Variants in BMPR2 observed in about 807,000 individuals in gnomAD.
The protein encoded by BMPR2 is bone morphogenetic protein receptor type-2.
BMPR2 carries 29 observed loss-of-function variants against 100.8 expected under a neutral mutation model. The observed-to-expected ratio is 0.29, with a 90% CI of 0.21 to 0.39. The LOEUF is 0.39. Among genes scored for constraint, BMPR2 ranks in the 10% least tolerant of loss-of-function variants. The pLI is 1.00. For missense variants in BMPR2, 1,011 were observed against 1,274.5 expected (o/e 0.79, Z 3.15); for synonymous variants, 382 against 442.3 (o/e 0.86, Z 1.71).
intron 3 of BMPR2, among the ~76,000 whole-genome samples, chr2:202,506,929 C>T (rs761832880): frequency 4.6e-5 from 7 of 151,110 alleles, no homozygotes; most frequent in Non-Finnish European, 1.0e-4. Context: ...AAAAATTAGC[C>T]GGGCATAGTG....
At chr2:202,406,988 C>T (rs1392348011) in intron 1 of BMPR2, among the ~76,000 whole-genome samples, 1 of 151,776 alleles carries the variant, frequency 6.6e-6, no homozygotes, top group Non-Finnish European at 1.5e-5. Flanking sequence ...TCGATTGTCA[C>T]CCAGGCTGGA....
intron 3 of BMPR2, among the ~76,000 whole-genome samples, chr2:202,477,388 A>AT (rs1385306529): frequency 6.6e-6 from 1 of 151,260 alleles, no homozygotes; most frequent in East Asian, 1.9e-4. Context: ...TTTTTTTTTA[A>AT]TTTGAAGGAT....
At position 202,566,157 on chromosome 2, in the gene BMPR2, G is replaced by A. The variant is rs1488598829; in HGVS notation, c.*6211G>A. 1.3e-5 allele frequency: 2 copies of A among 152,258 alleles called. No individual in the cohort carries two copies. Among genetic ancestry groups the A allele is most frequent in the Admixed American group, 6.6e-5 (1 of 15,262 alleles). The allele number at this position is 152,258 out of a possible 1,614,324, so 9.4% of individuals were successfully genotyped here. A position where few individuals can be genotyped will look rare whatever the true frequency, so the allele number is the denominator to read the frequency against. ...TGTATTTGAAACTACAACTTGATTT[G>A]GTTTTCAGTTTTAAAAGGCAACATG... On this transcript the variant is annotated 3_prime_UTR_variant, in exon 13 of 13. Coordinates refer to ENST00000374580, the MANE Select transcript of BMPR2 (RefSeq NM_001204.7).
intron 1 of BMPR2, among the ~76,000 whole-genome samples, chr2:202,427,933 C>G (rs1285363667): frequency 1.3e-5 from 2 of 152,148 alleles, no homozygotes; most frequent in East Asian, 3.9e-4. Context: ...GAGCTGAGAT[C>G]ATGCCAGTGT....
intron 3 of BMPR2, among the ~76,000 whole-genome samples, chr2:202,502,049 G>A (rs1687405990): frequency 6.6e-6 from 1 of 152,194 alleles, no homozygotes; most frequent in Non-Finnish European, 1.5e-5. Flanking sequence ...AGGGACCAGT[G>A]CCCAGTTAGT....
chr2:202,501,187 C>G (rs1687383023), intron 3 of BMPR2, among the ~76,000 whole-genome samples: 1 of 152,182 alleles, frequency 6.6e-6, no homozygotes, highest in Non-Finnish European at 1.5e-5. Flanking sequence ...TAATCTTAGC[C>G]AAAGGGACCA....
chr2:202,433,781 G>A (rs1340248847), intron 1 of BMPR2, among the ~76,000 whole-genome samples: 1 of 150,370 alleles, frequency 6.7e-6, no homozygotes, highest in African/African-American at 2.5e-5. Flanking sequence ...GGTGGCGTGC[G>A]CCTGTAGTCC....
chr2:202,416,474 G>A (rs1179693231), intron 1 of BMPR2, among the ~76,000 whole-genome samples: 5 of 148,320 alleles, frequency 3.4e-5, no homozygotes, highest in Admixed American at 6.8e-5. Context: ...TCGCTAGGCT[G>A]GAGTGCAGTG....
intron 6 of BMPR2, 137 bp downstream of exon 6, chr2:202,519,189 C>T: frequency 1.2e-6 from 1 of 852,722 alleles, no homozygotes; most frequent in Non-Finnish European, 1.9e-6. Flanking sequence ...TGGCAAAACT[C>T]CCGTCTCTAC....
intron 9 of BMPR2, among the ~76,000 whole-genome samples, chr2:202,535,705 T>C (rs2106024416): frequency 6.6e-6 from 1 of 152,148 alleles, no homozygotes; most frequent in African/African-American, 2.4e-5. Flanking sequence ...GAGGCTGCAA[T>C]CTCAGCACTT....
At chr2:202,473,154 A>C (rs1278596235) in intron 3 of BMPR2, among the ~76,000 whole-genome samples, 2 of 152,328 alleles carry the variant, frequency 1.3e-5, no homozygotes, top group East Asian at 3.9e-4. Flanking sequence ...TCTCCTTTAA[A>C]ATTTTTCATT....
intron 5 of BMPR2, among the ~76,000 whole-genome samples, chr2:202,515,203 A>T (rs1461486770): frequency 2.6e-5 from 4 of 152,178 alleles, no homozygotes; most frequent in Admixed American, 2.6e-4. Context: ...AGGAATGTAT[A>T]ATATAATTGC....
intron 1 of BMPR2, among the ~76,000 whole-genome samples, chr2:202,393,333 T>G (rs940319973): frequency 4.6e-5 from 7 of 152,208 alleles, no homozygotes; most frequent in African/African-American, 1.7e-4. Context: ...ATACTGTCTT[T>G]CTATCTCCAC....
chr2:202,458,298 A>C (rs1314927973), intron 1 of BMPR2, among the ~76,000 whole-genome samples: 7 of 149,446 alleles, frequency 4.7e-5, no homozygotes, highest in East Asian at 1.9e-4. Context: ...AAAAAAAAAA[A>C]AAAAAAAAAA....
intron 1 of BMPR2, among the ~76,000 whole-genome samples, chr2:202,393,741 A>G (rs747423331): frequency 2.4e-4 from 37 of 152,178 alleles, no homozygotes; most frequent in Non-Finnish European, 4.6e-4. Context: ...CTAAGAGAAT[A>G]TACTCTGTGG....
chr2:202,558,533 G>T (rs992471067), intron 12 of BMPR2, among the ~76,000 whole-genome samples: 1 of 152,202 alleles, frequency 6.6e-6, no homozygotes, highest in Non-Finnish European at 1.5e-5. Flanking sequence ...TTAGCCCCTT[G>T]CTTGAGTGGC....
chr2:202,520,111 C>G lies in BMPR2; in HGVS notation c.877C>G (p.Leu293Val). 6.2e-7 allele frequency: 1 copy of G among 1,608,146 alleles called. No homozygotes were observed. The highest frequency in any genetic ancestry group is 8.5e-7 in the Non-Finnish European group (1 of 1,178,568). Residue 293 changes from leucine (L) to valine (V), a missense_variant, in exon 7 of 13, where the codon CTC becomes GTC. Leu to Val is a conservative substitution (Grantham distance 32). Transcript: ENST00000374580. ...PNGSLCKYLS[L>V]HTSDWVSSCR... ...GGGATCTTTATGCAAGTATTTAAGT[C>G]TCCACACAAGTGACTGGGTAAGCTC...
At chr2:202,534,657 C>T (rs1280264746) in intron 9 of BMPR2, among the ~76,000 whole-genome samples, 4 of 152,210 alleles carry the variant, frequency 2.6e-5, no homozygotes, top group African/African-American at 7.2e-5. Flanking sequence ...CCCATGTCTA[C>T]TTCTTTCTAC....
At chr2:202,490,511 A>G (rs1260328615) in intron 3 of BMPR2, among the ~76,000 whole-genome samples, 1 of 152,226 alleles carries the variant, frequency 6.6e-6, no homozygotes, top group Non-Finnish European at 1.5e-5. Context: ...GACATCCAAA[A>G]TGTACCCACA....
Sources: gnomAD v4.1 joint callset for allele counts (sites outside exome capture counted in the v4.1 genomes callset) on GRCh38, gnomAD v4.1.1 for gene constraint, MANE v1.5 for transcripts, NCBI Gene and HGNC (gene_info 2026-07-23, HGNC 2026-07-21) for gene names.